Variants in PKN2 observed in about 807,000 individuals in gnomAD.
PKN2 encodes the protein serine/threonine-protein kinase N2.
Under a neutral mutation model 119.1 loss-of-function variants are expected in PKN2, and 38 were observed. The observed-to-expected ratio is 0.32, with a 90% CI of 0.25 to 0.42. PKN2 has a LOEUF of 0.42. Among genes scored for constraint, PKN2 ranks in the 10% least tolerant of loss-of-function variants. PKN2 has a pLI of 1.00. For missense variants in PKN2, 850 were observed against 1,165.1 expected, an observed-to-expected ratio of 0.73 and a Z score of 3.94; for synonymous variants, 390 against 384.9, an observed-to-expected ratio of 1.01 and a Z score of -0.15.
chr1:88,715,320 T>G (rs1667402740), intron 1 of PKN2, among the ~76,000 whole-genome samples: 1 of 152,248 alleles, frequency 6.6e-6, no homozygotes, highest in African/African-American at 2.4e-5. Flanking sequence ...TTCTATTGAT[T>G]GGAATAGTTT....
intron 1 of PKN2, among the ~76,000 whole-genome samples, chr1:88,698,482 A>G (rs899658177): frequency 2.0e-5 from 3 of 152,240 alleles, no homozygotes; most frequent in African/African-American, 4.8e-5. Context: ...GGTGAAGTCA[A>G]TTCTGGAAGG....
At chr1:88,785,231 T>C (rs1670522844) in intron 7 of PKN2, among the ~76,000 whole-genome samples, 1 of 152,136 alleles carries the variant, frequency 6.6e-6, no homozygotes, top group Admixed American at 6.5e-5. Flanking sequence ...TGGGTTTAAG[T>C]GATCCTCCTA....
At chr1:88,731,123 A>T (rs933917548) in intron 1 of PKN2, among the ~76,000 whole-genome samples, 1 of 152,252 alleles carries the variant, frequency 6.6e-6, no homozygotes, top group Non-Finnish European at 1.5e-5. Flanking sequence ...TTCATTACCT[A>T]GAACTCAATG....
intron 12 of PKN2, among the ~76,000 whole-genome samples, 184 bp from the exon 13 acceptor site, chr1:88,807,129 A>T (rs920088082): frequency 2.0e-5 from 3 of 152,136 alleles, no homozygotes; most frequent in Admixed American, 6.5e-5. Context: ...CTCTCTAGGC[A>T]ACATAGTGAG....
intron 1 of PKN2, among the ~76,000 whole-genome samples, chr1:88,736,646 T>G (rs904952919): frequency 1.3e-5 from 2 of 152,206 alleles, no homozygotes; most frequent in African/African-American, 4.8e-5. Context: ...TGAGCCACTG[T>G]GCCCGACCCC....
At position 88,818,184 on chromosome 1, in the gene PKN2, A is replaced by G. The variant is rs953277772; in HGVS notation, c.2280-3757A>G. Among the ~76,000 whole-genome samples the G allele has an allele frequency of 2.6e-5, 4 of 152,362 alleles. No homozygotes were observed. The East Asian group carries it at 5.8e-4, about 22-fold the overall frequency. On this transcript the variant is annotated intron_variant, in intron 16 of 21. Transcript: ENST00000370521. Reference sequence around the variant, plus strand: ...GTGAAGGACCTCTTCAAGGAGAACTACAAATCACTGCCCAAGGAAATAAGA... The same window carrying G: ...GTGAAGGACCTCTTCAAGGAGAACTGCAAATCACTGCCCAAGGAAATAAGA...
At chr1:88,764,926 T>C (rs970331490) in intron 3 of PKN2, among the ~76,000 whole-genome samples, 3 of 152,134 alleles carry the variant, frequency 2.0e-5, no homozygotes, top group Non-Finnish European at 4.4e-5. Flanking sequence ...TGTTTTGTTT[T>C]GTTTTGTTTT....
At chr1:88,807,495 T>C (rs1671595344) in intron 13 of PKN2, 34 bp from the exon 14 acceptor site, 2 of 1,603,268 alleles carry the variant, frequency 1.2e-6, no homozygotes, top group Non-Finnish European at 8.5e-7. Context: ...CCATACTTTA[T>C]TGTCTTATTA....
chr1:88,796,772 C>T (rs563934374), intron 8 of PKN2, among the ~76,000 whole-genome samples: 17 of 152,250 alleles, frequency 1.1e-4, no homozygotes, highest in African/African-American at 3.4e-4. Flanking sequence ...CCAGAATTTC[C>T]GTCTTCCAAA....
At chr1:88,694,160 A>G (rs994296911) in intron 1 of PKN2, among the ~76,000 whole-genome samples, 2 of 152,190 alleles carry the variant, frequency 1.3e-5, no homozygotes, top group Non-Finnish European at 2.9e-5. Flanking sequence ...GAGTGCACAC[A>G]TCTTGGTGTT....
At position 88,807,781 on chromosome 1, in the gene PKN2, T is replaced by C. The variant is rs748690988; in HGVS notation, c.2102+6T>C. ...GCTCGAGATGAAGTAGACAGGTTAG[T>C]TTTTAAAAATGAAATTGTTTATTTT... is the stretch of plus-strand genomic sequence containing the variant. On this transcript the variant is annotated splice_donor_region_variant and intron_variant, in intron 15 of 21. Coordinates refer to ENST00000370521, the MANE Select transcript of PKN2 (RefSeq NM_006256.4). 1 of 1,492,896 alleles carries C rather than the reference T, an allele frequency of 6.7e-7. No homozygotes were observed. The highest frequency in any genetic ancestry group is 1.2e-5 in the South Asian group (1 of 81,348). The allele number at this position is 1,492,896 out of a possible 1,614,324, so 92.5% of individuals were successfully genotyped here.
intron 1 of PKN2, among the ~76,000 whole-genome samples, chr1:88,718,962 T>C (rs1239537752): frequency 6.6e-6 from 1 of 152,128 alleles, no homozygotes; most frequent in Non-Finnish European, 1.5e-5. Context: ...TCTGGATACC[T>C]CTCTCTTTCT....
intron 3 of PKN2, among the ~76,000 whole-genome samples, chr1:88,765,757 A>G (rs1669644458): frequency 1.3e-5 from 2 of 152,144 alleles, no homozygotes; most frequent in South Asian, 4.2e-4. Flanking sequence ...GACTCGGGAA[A>G]CCTTTCTGGA....
At chr1:88,717,607 G>A (rs999190833) in intron 1 of PKN2, among the ~76,000 whole-genome samples, 2 of 151,644 alleles carry the variant, frequency 1.3e-5, no homozygotes, top group Non-Finnish European at 2.9e-5. Context: ...TTGTGCATGC[G>A]TCACGTAGTT....
chr1:88,751,379 C>CAT (rs757701366), intron 2 of PKN2, among the ~76,000 whole-genome samples: 1 of 125,500 alleles, frequency 8.0e-6, no homozygotes, highest in Non-Finnish European at 1.6e-5. Context: ...TTTACACATA[C>CAT]ACACACACAC....
At chr1:88,743,144 C>T (rs1199291786) in intron 2 of PKN2, among the ~76,000 whole-genome samples, 2 of 152,142 alleles carry the variant, frequency 1.3e-5, no homozygotes, top group Non-Finnish European at 2.9e-5. Flanking sequence ...GAGCCAAGAT[C>T]GTGCCACTGC....
At chr1:88,713,733 G>A (rs190064009) in intron 1 of PKN2, among the ~76,000 whole-genome samples, 23 of 152,236 alleles carry the variant, frequency 1.5e-4, no homozygotes, top group African/African-American at 4.1e-4. Context: ...TAGGTTGCCT[G>A]TTCACTCTGA....
chr1:88,828,474 T>A lies in PKN2; in HGVS notation c.2420-7T>A. On this transcript the variant is annotated splice_region_variant and splice_polypyrimidine_tract_variant and intron_variant, in intron 18 of 21. Transcript: ENST00000370521. ...GCTAACAAATGTTTACATTTTATCTTTTCCAGGAATGGGATATGGAGATAG... is the reference window on the plus strand; with the variant it reads ...GCTAACAAATGTTTACATTTTATCTATTCCAGGAATGGGATATGGAGATAG... The A allele has an allele frequency of 6.3e-7, 1 of 1,581,064 alleles. No individual in the cohort carries two copies. The highest frequency in any genetic ancestry group is 8.6e-7 in the Non-Finnish European group (1 of 1,157,282).
chr1:88,753,404 G>T (rs1185916747), intron 2 of PKN2, among the ~76,000 whole-genome samples: 1 of 151,794 alleles, frequency 6.6e-6, no homozygotes, highest in Non-Finnish European at 1.5e-5. Context: ...TTTCATCTTT[G>T]TCTGATAATG....
Sources: gnomAD v4.1 joint callset for allele counts (sites outside exome capture counted in the v4.1 genomes callset) on GRCh38, gnomAD v4.1.1 for gene constraint, MANE v1.5 for transcripts, NCBI Gene and HGNC (gene_info 2026-07-23, HGNC 2026-07-21) for gene names.